The following SMC5 variants were observed in gnomAD, a reference collection of about 807,000 sequenced individuals.
SMC5 encodes structural maintenance of chromosomes 5.
A neutral mutation model predicts 148.3 loss-of-function variants in SMC5; 88 were observed. That is an observed-to-expected ratio of 0.59 (90% confidence interval 0.50 to 0.71). The LOEUF (loss-of-function observed/expected upper bound fraction) is 0.71. Among genes scored for constraint, SMC5 ranks in the 30% least tolerant of loss-of-function variants. The pLI is 0.00. For missense variants in SMC5, 1,142 were observed against 1,298.9 expected (o/e 0.88, Z 1.86); for synonymous variants, 421 against 432.8 (o/e 0.97, Z 0.34).
rs781638262 is a variant in SMC5 at position 70,318,501 on chromosome 9, T to C, written c.1807-13T>C. On this transcript the variant is annotated splice_polypyrimidine_tract_variant and intron_variant, in intron 13 of 24. Transcript: ENST00000361138. ...TATATTAGATGTGCACTAATAGTTG[T>C]TTTACGTTATAGGTAATACAAGAAA... The C allele has an allele frequency of 2.6e-6, 4 of 1,554,900 alleles. No individual in the cohort carries two copies. Among genetic ancestry groups the C allele is most frequent in the East Asian group, 2.3e-5 (1 of 43,978 alleles).
intron 4 of SMC5, among the ~76,000 whole-genome samples, 181 bp downstream of exon 4, chr9:70,277,653 AT>A (rs1270841712): frequency 6.6e-6 from 1 of 152,102 alleles, no homozygotes; most frequent in Admixed American, 6.5e-5. Context: ...AATTTGGAAA[AT>A]TTCAATTAGT....
At chr9:70,320,952 G>T (rs2035927828) in intron 15 of SMC5, among the ~76,000 whole-genome samples, 1 of 152,068 alleles carries the variant, frequency 6.6e-6, no homozygotes, top group Non-Finnish European at 1.5e-5. Context: ...ACTTTCCATT[G>T]CTTTTACACC....
intron 17 of SMC5, among the ~76,000 whole-genome samples, chr9:70,330,040 G>C (rs1228731502): frequency 1.3e-5 from 2 of 152,040 alleles, no homozygotes; most frequent in Non-Finnish European, 2.9e-5. Context: ...CCACCCTCAT[G>C]AGCCAATCAC....
At chr9:70,315,301 T>A (rs2035766011) in intron 12 of SMC5, 145 bp from the exon 13 acceptor site, 3 of 312,020 alleles carry the variant, frequency 9.6e-6, no homozygotes, top group Admixed American at 1.7e-4. Flanking sequence ...TATGTGATTT[T>A]AAAATATAAA....
At chr9:70,264,491 T>C in intron 2 of SMC5, 46 bp downstream of exon 2, 1 of 1,597,764 alleles carries the variant, frequency 6.3e-7, no homozygotes, top group Non-Finnish European at 8.6e-7. Flanking sequence ...ACCTATTAAT[T>C]GCTTTTAGTA....
chr9:70,347,542 C>T, intron 20 of SMC5, 71 bp from the exon 21 acceptor site: 1 of 774,414 alleles, frequency 1.3e-6, no homozygotes, highest in Non-Finnish European at 2.0e-6. Flanking sequence ...ATGTTTTAAT[C>T]AATGCAAAAT....
chr9:70,259,342 G>T, intron 1 of SMC5, 79 bp downstream of exon 1: 1 of 1,414,134 alleles, frequency 7.1e-7, no homozygotes, highest in Non-Finnish European at 9.5e-7. Context: ...GCGCGCGGGC[G>T]TGGGCGTGTG....
intron 15 of SMC5, among the ~76,000 whole-genome samples, chr9:70,323,246 T>C (rs974369101): frequency 5.3e-5 from 8 of 152,340 alleles, no homozygotes; most frequent in Admixed American, 3.3e-4. Flanking sequence ...TGTTTGTTCG[T>C]TTCTGGTTTT....
intron 3 of SMC5, among the ~76,000 whole-genome samples, chr9:70,268,920 T>C: frequency 6.6e-6 from 1 of 152,206 alleles, no homozygotes. Context: ...TGAAACCAGT[T>C]GACCATCCTT....
intron 15 of SMC5, among the ~76,000 whole-genome samples, chr9:70,321,189 G>C (rs2035935512): frequency 6.6e-6 from 1 of 152,042 alleles, no homozygotes; most frequent in African/African-American, 2.4e-5. Flanking sequence ...AAACTAGGCT[G>C]TTTTTTCTCT....
At chr9:70,329,901 C>T (rs2036177097) in intron 17 of SMC5, among the ~76,000 whole-genome samples, 1 of 152,136 alleles carries the variant, frequency 6.6e-6, no homozygotes, top group Non-Finnish European at 1.5e-5. Context: ...AACTTAAAAT[C>T]ATAGGGAAGG....
chr9:70,274,928 GTTATA>G lies in SMC5; in HGVS notation c.381-2378_381-2374del, dbSNP rs2034547978. On this transcript the variant is annotated intron_variant, in intron 3 of 24. Coordinates refer to ENST00000361138, the MANE Select transcript of SMC5 (RefSeq NM_015110.4). ...AAAACATTATTATTAATATAATATA[GTTATA>G]TTAATTATGCTGTCAGTGTTTGTTT... 3.3e-5 allele frequency among the ~76,000 whole-genome samples: 5 copies of G among 151,866 alleles called. No individual in the cohort carries two copies. In the South Asian group the frequency reaches 1.0e-3, roughly 32 times the overall value.
At chr9:70,336,523 GGTGTCCA>G (rs1210938417) in intron 17 of SMC5, among the ~76,000 whole-genome samples, 2 of 152,164 alleles carry the variant, frequency 1.3e-5, no homozygotes, top group Non-Finnish European at 2.9e-5. Flanking sequence ...ATAGGTAGTC[GGTGTCCA>G]GCAAAAAGCA....
chr9:70,303,237 A>G lies in SMC5; in HGVS notation c.1465-2010A>G, dbSNP rs180696321. ...AGTGAGACCCTGTCTCAAAAAATAG[A>G]AAAAAAAAAACAATACAGTCTGGGA... On this transcript the variant is annotated intron_variant, in intron 10 of 24. Transcript: ENST00000361138. 4.0e-3 allele frequency among the ~76,000 whole-genome samples: 597 copies of G among 147,536 alleles called. 3 individuals carry two copies. The highest frequency in any genetic ancestry group is 0.014 in the African/African-American group (552 of 40,308).
chr9:70,298,371 A>C lies in SMC5; in HGVS notation c.1309+150A>C, dbSNP rs200926598. On this transcript the variant is annotated intron_variant, in intron 9 of 24. Coordinates refer to ENST00000361138, the MANE Select transcript of SMC5 (RefSeq NM_015110.4). ...CTCAGTTCTTCCAACTTCATACCTT[A>C]ATTATCTATATCTGTCGTGTACTGT... 174 of 815,524 alleles carry C rather than the reference A, an allele frequency of 2.1e-4. No individual in the cohort carries two copies. The East Asian group carries it at 4.3e-3, about 20-fold the overall frequency. The allele number at this position is 815,524 out of a possible 1,614,324, so 50.5% of individuals were successfully genotyped here. A position where few individuals can be genotyped will look rare whatever the true frequency, so the allele number is the denominator to read the frequency against.
intron 3 of SMC5, among the ~76,000 whole-genome samples, chr9:70,274,129 T>G (rs1402888042): frequency 6.6e-6 from 1 of 152,262 alleles, no homozygotes; most frequent in East Asian, 1.9e-4. Context: ...TCGCCCAGGC[T>G]GGAGTGCAGT....
In SMC5 at chr9:70,338,060, G is replaced by A. The variant is rs1263514774; in HGVS notation, c.2398-6084G>A. Among the ~76,000 whole-genome samples, 4 of 152,078 alleles carry A rather than the reference G, an allele frequency of 2.6e-5. No individual in the cohort carries two copies. In the East Asian group the frequency reaches 7.7e-4, roughly 29 times the overall value. On this transcript the variant is annotated intron_variant, in intron 17 of 24. Coordinates refer to ENST00000361138, the MANE Select transcript of SMC5 (RefSeq NM_015110.4). Reference sequence around the variant, plus strand: ...AACGGGTTCTTACTCTCTCACCCAGGCTGAAGTGCGGTGGCATGGTCAACA... The same window carrying A: ...AACGGGTTCTTACTCTCTCACCCAGACTGAAGTGCGGTGGCATGGTCAACA...
At chr9:70,303,957 C>T (rs371258514) in intron 10 of SMC5, among the ~76,000 whole-genome samples, 29 of 152,254 alleles carry the variant, frequency 1.9e-4, no homozygotes, top group African/African-American at 6.5e-4. Flanking sequence ...TTATCATGCT[C>T]TACTTTCAAC....
At position 70,278,663 on chromosome 9, in the gene SMC5, T is replaced by C. The variant is rs200981702; in HGVS notation, c.678+38T>C. 1.9e-5 allele frequency: 30 copies of C among 1,564,298 alleles called. No homozygotes were observed. The East Asian group carries it at 5.4e-4, about 28-fold the overall frequency. ...GACAACTCATTTGTATTGTTTCTTA[T>C]TGATTTCTGTATCTCAGAACATGGG... On this transcript the variant is annotated intron_variant, in intron 5 of 24. Coordinates refer to ENST00000361138, the MANE Select transcript of SMC5 (RefSeq NM_015110.4).
Sources: allele counts gnomAD v4.1 joint callset (sites outside exome capture counted in the v4.1 genomes callset), GRCh38; gene constraint gnomAD v4.1.1; transcripts MANE v1.5; gene names NCBI Gene and HGNC (gene_info 2026-07-23, HGNC 2026-07-21).